The following TECRL variants were observed in gnomAD, a reference collection of about 807,000 sequenced individuals.
TECRL encodes trans-2,3-enoyl-CoA reductase like.
A neutral mutation model predicts 52.8 loss-of-function variants in TECRL; 63 were observed. The ratio of observed to expected loss-of-function variants is 1.19; its 90% CI spans 0.97 to 1.47. The LOEUF (loss-of-function observed/expected upper bound fraction) is 1.47. TECRL is among the 40% of genes most tolerant of loss of function. The pLI is 0.00. For synonymous variants in TECRL, 164 were observed against 141.9 expected, an observed-to-expected ratio of 1.16 and a Z score of -1.10; for missense variants, 482 against 429.6, an observed-to-expected ratio of 1.12 and a Z score of -1.08.
chr4:64,365,529 C>A (rs1180870093), intron 2 of TECRL, among the ~76,000 whole-genome samples: 2 of 152,070 alleles, frequency 1.3e-5, no homozygotes, highest in African/African-American at 4.8e-5. Flanking sequence ...ACCACCTCAG[C>A]AAATTTTACA....
intron 2 of TECRL, among the ~76,000 whole-genome samples, chr4:64,339,090 A>G (rs1246871643): frequency 6.6e-6 from 1 of 151,990 alleles, no homozygotes; most frequent in Non-Finnish European, 1.5e-5. Flanking sequence ...ACACCATGGA[A>G]TACTATGTAG....
intron 1 of TECRL, among the ~76,000 whole-genome samples, chr4:64,404,372 A>G (rs1724573630): frequency 6.6e-6 from 1 of 152,024 alleles, no homozygotes; most frequent in Admixed American, 6.6e-5. Context: ...TCAATCATTG[A>G]CTTATCAGTA....
chr4:64,368,549 C>G (rs1721770792), intron 2 of TECRL, among the ~76,000 whole-genome samples: 1 of 152,120 alleles, frequency 6.6e-6, no homozygotes, highest in Non-Finnish European at 1.5e-5. Context: ...CCGCCTTGGC[C>G]TCCGAAAGTG....
At chr4:64,363,026 A>G (rs1454223278) in intron 2 of TECRL, among the ~76,000 whole-genome samples, 1 of 150,414 alleles carries the variant, frequency 6.6e-6, no homozygotes, top group Non-Finnish European at 1.5e-5. Context: ...AAAAAAAAAA[A>G]GAAGTGGTTG....
intron 4 of TECRL, among the ~76,000 whole-genome samples, chr4:64,315,742 T>C (rs370461783): frequency 1.3e-5 from 2 of 152,226 alleles, no homozygotes; most frequent in African/African-American, 4.8e-5. Context: ...CATGGTTTCA[T>C]ATATATTCAT....
rs141282427 is a variant in TECRL at position 64,384,382 on chromosome 4, C to T, written c.235-9159G>A. On this transcript the variant is annotated intron_variant, in intron 1 of 11. Transcript: ENST00000381210. ...GTGGCAACTGGATGAATGGGCCAGT[C>T]CTGAGGCCCCAAGTTGGCATATGCA... Among the ~76,000 whole-genome samples the T allele has an allele frequency of 2.3e-3, 349 of 152,146 alleles. 2 individuals carry two copies. Among genetic ancestry groups the T allele is most frequent in the African/African-American group, 8.1e-3 (335 of 41,496 alleles).
Position 64,337,648 on chromosome 4 carries a change from G to A in TECRL, c.287-9092C>T, listed in dbSNP as rs1240922279. Among the ~76,000 whole-genome samples, 13 of 152,078 alleles carry A rather than the reference G, an allele frequency of 8.5e-5. 1 individual carries two copies. Among genetic ancestry groups the A allele is most frequent in the Admixed American group, 7.2e-4 (11 of 15,268 alleles). On this transcript the variant is annotated intron_variant, in intron 2 of 11. Transcript: ENST00000381210. The stretch of plus-strand genomic sequence containing the variant: ...TACACCAATAACAGACAAACGGAGA[G>A]CCAAATCATGAGTGAACTCCCATTC...
intron 1 of TECRL, among the ~76,000 whole-genome samples, chr4:64,378,809 T>C (rs1722575605): frequency 6.6e-6 from 1 of 152,058 alleles, no homozygotes; most frequent in Non-Finnish European, 1.5e-5. Context: ...CTATGGTTTC[T>C]CTTCAGATCA....
chr4:64,356,661 T>C (rs550076635), intron 2 of TECRL, among the ~76,000 whole-genome samples: 1 of 152,292 alleles, frequency 6.6e-6, no homozygotes, highest in Non-Finnish European at 1.5e-5. Flanking sequence ...TCCTACCGCA[T>C]TCCTCTTGCT....
At chr4:64,332,204 C>A (rs753416009) in intron 2 of TECRL, among the ~76,000 whole-genome samples, 4 of 152,050 alleles carry the variant, frequency 2.6e-5, no homozygotes, top group South Asian at 4.1e-4. Flanking sequence ...CACCTATGAG[C>A]CTAATGGGAC....
chr4:64,299,186 G>C (rs1303025733), intron 8 of TECRL: 1 of 151,206 alleles, frequency 6.6e-6, no homozygotes, highest in African/African-American at 2.4e-5. Flanking sequence ...GATATGTAGA[G>C]AGAGAGGAAG....
At chr4:64,319,497 G>A (rs142313086) in intron 4 of TECRL, among the ~76,000 whole-genome samples, 43 of 151,856 alleles carry the variant, frequency 2.8e-4, no homozygotes, top group Non-Finnish European at 3.4e-4. Context: ...GAAAAGTTCT[G>A]CTAAGATGAT....
chr4:64,322,238 T>C (rs1291208921), intron 4 of TECRL, among the ~76,000 whole-genome samples: 1 of 152,022 alleles, frequency 6.6e-6, no homozygotes, highest in Admixed American at 6.6e-5. Flanking sequence ...ATTTCTTCCC[T>C]GCTATATAAA....
chr4:64,277,149 T>A, downstream of TECRL: 2 of 827,274 alleles, frequency 2.4e-6, no homozygotes, highest in Admixed American at 2.5e-5. Flanking sequence ...GAATAACTGA[T>A]ACAAAAAAAG....
downstream of TECRL, chr4:64,277,112 A>G: frequency 1.6e-6 from 2 of 1,245,606 alleles, no homozygotes; most frequent in Non-Finnish European, 2.2e-6. Context: ...ATATCCTTTA[A>G]CTAAGGTATG....
At chr4:64,276,899 T>C (rs1722593872), downstream of TECRL, 5 of 529,154 alleles carry the variant, frequency 9.4e-6, no homozygotes, top group Non-Finnish European at 1.7e-5. Flanking sequence ...TTATGTATAG[T>C]AACTCCTAAA....
chr4:64,366,967 A>G (rs1213475140), intron 2 of TECRL, among the ~76,000 whole-genome samples: 3 of 152,174 alleles, frequency 2.0e-5, no homozygotes, highest in Non-Finnish European at 4.4e-5. Context: ...ACAATAGCAA[A>G]GTTATGAAAT....
intron 2 of TECRL, among the ~76,000 whole-genome samples, chr4:64,341,126 G>T (rs1303345586): frequency 1.3e-5 from 2 of 152,106 alleles, no homozygotes; most frequent in Non-Finnish European, 2.9e-5. Flanking sequence ...ACACTTGTTG[G>T]GAGACCCTGG....
At chr4:64,301,543 C>A (rs533694097) in intron 7 of TECRL, among the ~76,000 whole-genome samples, 109 of 151,254 alleles carry the variant, frequency 7.2e-4, no homozygotes, top group Non-Finnish European at 1.2e-3. Flanking sequence ...AACTTATAGT[C>A]TGACCCAGAA....
Sources: gnomAD v4.1 joint callset for allele counts (sites outside exome capture counted in the v4.1 genomes callset) on GRCh38, gnomAD v4.1.1 for gene constraint, MANE v1.5 for transcripts, NCBI Gene and HGNC (gene_info 2026-07-23, HGNC 2026-07-21) for gene names.